Variants in TRAPPC9 observed in about 807,000 individuals in gnomAD.
TRAPPC9 encodes IKK2 binding protein.
In TRAPPC9, 83 loss-of-function variants were observed where a neutral mutation model predicts 124.0. That is an observed-to-expected ratio of 0.67 (90% CI 0.56 to 0.80). The LOEUF (loss-of-function observed/expected upper bound fraction) is 0.80. Among genes scored for constraint, TRAPPC9 ranks in the 30% least tolerant of loss-of-function variants. The pLI, the probability that TRAPPC9 is intolerant of heterozygous loss-of-function variation, is 0.00. For synonymous variants in TRAPPC9, 638 were observed against 617.5 expected, an observed-to-expected ratio of 1.03 and a Z score of -0.49; for missense variants, 1,302 against 1,508.3, an observed-to-expected ratio of 0.86 and a Z score of 2.27.
intron 17 of TRAPPC9, among the ~76,000 whole-genome samples, chr8:140,075,712 A>T (rs1843468481): frequency 6.6e-6 from 1 of 152,230 alleles, no homozygotes; most frequent in Non-Finnish European, 1.5e-5. Context: ...AGGAGAAAAG[A>T]AGAGGCTGCC....
At chr8:140,061,447 G>C (rs548852250) in intron 17 of TRAPPC9, among the ~76,000 whole-genome samples, 13 of 152,240 alleles carry the variant, frequency 8.5e-5, no homozygotes, top group African/African-American at 3.1e-4. Context: ...TGTCCTCAAG[G>C]AGCCCGCAGT....
rs557205214 is a variant in TRAPPC9 at position 139,997,386 on chromosome 8, GA to G, written c.2700-8551del. 1.8e-4 allele frequency among the ~76,000 whole-genome samples: 27 copies of G among 151,424 alleles called. No individual in the cohort carries two copies. In the East Asian group the frequency reaches 4.9e-3, roughly 27 times the overall value. Reference sequence around the variant, plus strand: ...GGGCAGACAACGCATCCTACACAGGGAGACAATGCATCCCACACAGAAGAGA... The same window carrying G: ...GGGCAGACAACGCATCCTACACAGGGGACAATGCATCCCACACAGAAGAGA... On this transcript the variant is annotated intron_variant, in intron 18 of 22. Transcript: ENST00000438773.
At chr8:140,202,430 T>G (rs1433812191) in intron 17 of TRAPPC9, among the ~76,000 whole-genome samples, 1 of 152,162 alleles carries the variant, frequency 6.6e-6, no homozygotes, top group Non-Finnish European at 1.5e-5. Context: ...GGAAAAAAAG[T>G]AGCATCTTGT....
intron 19 of TRAPPC9, among the ~76,000 whole-genome samples, chr8:139,951,371 A>G (rs114880060): frequency 9.5e-4 from 144 of 152,352 alleles, no homozygotes; most frequent in African/African-American, 3.4e-3. Flanking sequence ...TGAGGGTTCA[A>G]GATGAGAAGA....
Position 140,318,458 on chromosome 8 carries a change from G to A in TRAPPC9, c.1496-7084C>T, listed in dbSNP as rs76648410. On this transcript the variant is annotated intron_variant, in intron 9 of 22. Coordinates refer to ENST00000438773, the MANE Select transcript of TRAPPC9 (RefSeq NM_001160372.4). ...GCCATATTCACCATGCTGTGCAACA[G>A]ATCTCAAAAAAAGTCAACTTACTCC... 8.0e-3 allele frequency among the ~76,000 whole-genome samples: 1,211 copies of A among 152,218 alleles called. 12 individuals carry two copies. Among genetic ancestry groups the A allele is most frequent in the African/African-American group, 0.028 (1,173 of 41,534 alleles).
chr8:140,292,336 T>C (rs1563922028), intron 11 of TRAPPC9, among the ~76,000 whole-genome samples: 1 of 152,128 alleles, frequency 6.6e-6, no homozygotes, highest in Non-Finnish European at 1.5e-5. Flanking sequence ...GGGTAATAAA[T>C]TGGCCCAGGA....
intron 17 of TRAPPC9, among the ~76,000 whole-genome samples, chr8:140,045,791 T>A (rs1253876391): frequency 6.6e-6 from 1 of 151,776 alleles, no homozygotes; most frequent in East Asian, 1.9e-4. Context: ...AGCCTCGAGG[T>A]GGCAGAGTCC....
intron 5 of TRAPPC9, among the ~76,000 whole-genome samples, chr8:140,407,515 G>A (rs1323057895): frequency 3.9e-5 from 6 of 152,040 alleles, no homozygotes; most frequent in African/African-American, 1.5e-4. Flanking sequence ...GCATAAGAGG[G>A]AAATCCCCCC....
intron 17 of TRAPPC9, among the ~76,000 whole-genome samples, chr8:140,113,608 CA>C (rs2060823285): frequency 6.6e-6 from 1 of 152,164 alleles, no homozygotes; most frequent in Non-Finnish European, 1.5e-5. Flanking sequence ...AGACGCCAGG[CA>C]GACTCAGCGG....
chr8:139,874,979 G>C lies in TRAPPC9; in HGVS notation c.3055+10900C>G, dbSNP rs1456885246. On this transcript the variant is annotated intron_variant, in intron 21 of 22. Coordinates refer to ENST00000438773, the MANE Select transcript of TRAPPC9 (RefSeq NM_001160372.4). ...CAGTGCTTACCCCACTGGGGCATTGGGAGGAACAGATGAGGGGACGCTGGA... is the reference window on the plus strand; with the variant it reads ...CAGTGCTTACCCCACTGGGGCATTGCGAGGAACAGATGAGGGGACGCTGGA... Among the ~76,000 whole-genome samples the C allele has an allele frequency of 2.0e-5, 3 of 152,216 alleles. No individual in the cohort carries two copies. In the East Asian group the frequency reaches 5.8e-4, roughly 29 times the overall value.
chr8:140,454,915 G>A lies in TRAPPC9; in HGVS notation c.-11+2724C>T, dbSNP rs150244538. On this transcript the variant is annotated intron_variant, in intron 1 of 22. Coordinates refer to ENST00000438773, the MANE Select transcript of TRAPPC9 (RefSeq NM_001160372.4). ...AGATCACACCACTGCACTCCAGCCT[G>A]GGTGACAAAGTAAGACTCTTTAAAA... Among the ~76,000 whole-genome samples, 31 of 150,762 alleles carry A rather than the reference G, an allele frequency of 2.1e-4. No individual in the cohort carries two copies. In the East Asian group the frequency reaches 4.8e-3, roughly 23 times the overall value.
intron 21 of TRAPPC9, among the ~76,000 whole-genome samples, chr8:139,806,601 T>A (rs1022593968): frequency 5.3e-5 from 8 of 152,174 alleles, no homozygotes; most frequent in African/African-American, 1.9e-4. Context: ...CTCAGCTGGG[T>A]CCGGCAGTAG....
chr8:140,392,642 A>C (rs57613230), intron 7 of TRAPPC9, among the ~76,000 whole-genome samples: 10,419 of 152,292 alleles, frequency 0.068, 920 homozygotes, highest in African/African-American at 0.2. Flanking sequence ...GTGTGGAACA[A>C]GTGAGTGAGG....
chr8:139,983,398 C>T (rs999327517), intron 19 of TRAPPC9, among the ~76,000 whole-genome samples: 6 of 152,108 alleles, frequency 3.9e-5, no homozygotes, highest in Admixed American at 3.9e-4. Context: ...TCCAGGAAGC[C>T]CTCCTAGCCA....
intron 17 of TRAPPC9, among the ~76,000 whole-genome samples, chr8:140,137,277 C>T (rs951243274): frequency 6.6e-6 from 1 of 152,168 alleles, no homozygotes. Flanking sequence ...ACTGGGCTGC[C>T]AGCGACTCCA....
At chr8:140,244,805 T>C (rs1472652107) in intron 16 of TRAPPC9, among the ~76,000 whole-genome samples, 1 of 120,216 alleles carries the variant, frequency 8.3e-6, no homozygotes, top group South Asian at 2.8e-4. Flanking sequence ...AATTCCTTTT[T>C]TTTTTTTTTT....
intron 21 of TRAPPC9, among the ~76,000 whole-genome samples, chr8:139,808,105 A>G (rs1824193291): frequency 6.6e-6 from 1 of 152,222 alleles, no homozygotes; most frequent in Non-Finnish European, 1.5e-5. Context: ...GGCCTGACCC[A>G]TTATTAACTA....
intron 17 of TRAPPC9, among the ~76,000 whole-genome samples, chr8:140,185,209 C>T (rs1450148448): frequency 6.6e-6 from 1 of 152,210 alleles, no homozygotes; most frequent in Non-Finnish European, 1.5e-5. Flanking sequence ...GACAGGCACT[C>T]CTCACACAGC....
chr8:139,998,591 G>A (rs1838191921), intron 18 of TRAPPC9, among the ~76,000 whole-genome samples: 1 of 152,074 alleles, frequency 6.6e-6, no homozygotes, highest in African/African-American at 2.4e-5. Flanking sequence ...GCGTGCTGGT[G>A]GGCACCTGTA....
Sources: allele counts gnomAD v4.1 joint callset (sites outside exome capture counted in the v4.1 genomes callset), GRCh38; gene constraint gnomAD v4.1.1; transcripts MANE v1.5; gene names NCBI Gene and HGNC (gene_info 2026-07-23, HGNC 2026-07-21).